TEAD4: variants seen among roughly 807,000 people sequenced by gnomAD.
The protein encoded by TEAD4 is TEA domain transcription factor 4, also known as transcriptional enhancer factor TEF-3.
Under a neutral mutation model 52.4 loss-of-function variants are expected in TEAD4, and 36 were observed. The observed-to-expected ratio is 0.69, with a 90% CI of 0.53 to 0.91. TEAD4 has a LOEUF of 0.91. TEAD4 is among the 40% of genes least tolerant of loss of function. TEAD4 has a pLI of 0.00. For missense variants in TEAD4, 508 were observed against 583.9 expected (o/e 0.87, Z 1.34); for synonymous variants, 220 against 231.0 (o/e 0.95, Z 0.43).
At chr12:3,007,119 G>C (rs2098256591) in intron 3 of TEAD4, among the ~76,000 whole-genome samples, 1 of 152,230 alleles carries the variant, frequency 6.6e-6, no homozygotes, top group Non-Finnish European at 1.5e-5. Context: ...CGGGGGCTGA[G>C]ACGGCCTTTC....
intron 10 of TEAD4, among the ~76,000 whole-genome samples, chr12:3,028,944 T>G (rs1392451065): frequency 1.3e-5 from 2 of 152,170 alleles, no homozygotes; most frequent in African/African-American, 4.8e-5. Flanking sequence ...TTGCCCATTT[T>G]TATAATAAAT....
chr12:3,015,117 G>A (rs1287037629), intron 5 of TEAD4, among the ~76,000 whole-genome samples: 1 of 152,168 alleles, frequency 6.6e-6, no homozygotes, highest in Non-Finnish European at 1.5e-5. Flanking sequence ...AGTGGGGAGG[G>A]GGCCAAGGGG....
intron 2 of TEAD4, among the ~76,000 whole-genome samples, chr12:2,993,908 C>A (rs2098245125): frequency 6.6e-6 from 1 of 152,212 alleles, no homozygotes; most frequent in Non-Finnish European, 1.5e-5. Context: ...GGTTGCCTTC[C>A]TTTTTAAAGC....
chr12:2,979,799 A>T (rs1425202614), intron 2 of TEAD4, among the ~76,000 whole-genome samples: 1 of 152,066 alleles, frequency 6.6e-6, no homozygotes, highest in African/African-American at 2.4e-5. Context: ...TGTGTTGGGG[A>T]TTAAGTTTTT....
At chr12:2,992,485 G>T (rs929397540) in intron 2 of TEAD4, among the ~76,000 whole-genome samples, 1 of 152,138 alleles carries the variant, frequency 6.6e-6, no homozygotes, top group Admixed American at 6.5e-5. Context: ...TCTCTGTGAA[G>T]GAAATTGTCC....
chr12:2,966,702 T>C (rs980821933), intron 2 of TEAD4, among the ~76,000 whole-genome samples: 6 of 151,832 alleles, frequency 4.0e-5, no homozygotes, highest in Non-Finnish European at 7.4e-5. Flanking sequence ...TGAGCCACCA[T>C]GCCCGGCGTA....
intron 11 of TEAD4, among the ~76,000 whole-genome samples, chr12:3,039,537 C>T (rs1043479939): frequency 1.3e-5 from 2 of 152,144 alleles, no homozygotes; most frequent in Non-Finnish European, 2.9e-5. Flanking sequence ...CCTGTGTGCC[C>T]CTCATGGTGT....
At chr12:3,007,109 C>T (rs578172921) in intron 3 of TEAD4, among the ~76,000 whole-genome samples, 1 of 152,218 alleles carries the variant, frequency 6.6e-6, no homozygotes, top group Non-Finnish European at 1.5e-5. Flanking sequence ...AGCCTCTCGC[C>T]GGGGGCTGAG....
At chr12:2,966,285 G>A (rs1259287700) in intron 2 of TEAD4, among the ~76,000 whole-genome samples, 1 of 152,112 alleles carries the variant, frequency 6.6e-6, no homozygotes, top group Non-Finnish European at 1.5e-5. Flanking sequence ...CTGAGCTTGT[G>A]TTACTGTGAA....
At chr12:3,019,250 C>T (rs67719910) in intron 8 of TEAD4, 80 bp downstream of exon 8, 185,332 of 1,516,280 alleles carry the variant, frequency 0.12, 12,769 homozygotes, top group African/African-American at 0.29. Flanking sequence ...GGCAGCCGAA[C>T]GCCTGCGTGT....
In TEAD4 at chr12:3,017,260, C is replaced by T. The variant is rs115781283; in HGVS notation, c.355-138C>T. The T allele has an allele frequency of 8.1e-4, 916 of 1,133,396 alleles. 5 individuals are homozygous for T. The African/African-American group carries it at 9.9e-3, about 12-fold the overall frequency. The allele number at this position is 1,133,396 out of a possible 1,614,324, so 70.2% of individuals were successfully genotyped here. ...TCAGTTGCAAAACAAGTTAATAGCA[C>T]GGCACAGACTTAACGCCTGGTCCCC... is the stretch of plus-strand genomic sequence containing the variant. On this transcript the variant is annotated intron_variant, in intron 5 of 12. Transcript: ENST00000359864.
intron 2 of TEAD4, among the ~76,000 whole-genome samples, chr12:2,970,689 A>G (rs542599007): frequency 1.3e-5 from 2 of 152,326 alleles, no homozygotes; most frequent in African/African-American, 4.8e-5. Flanking sequence ...CTTTGCTGTG[A>G]AGAGCACCTG....
intron 2 of TEAD4, among the ~76,000 whole-genome samples, chr12:2,986,180 C>A (rs1470977887): frequency 6.6e-6 from 1 of 152,210 alleles, no homozygotes; most frequent in Non-Finnish European, 1.5e-5. Context: ...CACTGTCTTC[C>A]ACCTGCATGT....
chr12:3,026,355 G>A (rs1426862867), intron 10 of TEAD4, among the ~76,000 whole-genome samples: 1 of 152,216 alleles, frequency 6.6e-6, no homozygotes, highest in Non-Finnish European at 1.5e-5. Flanking sequence ...CAAAGAAACA[G>A]TGGCATAAAT....
intron 3 of TEAD4, among the ~76,000 whole-genome samples, chr12:2,998,862 G>C (rs1322486651): frequency 6.6e-6 from 1 of 152,152 alleles, no homozygotes; most frequent in African/African-American, 2.4e-5. Flanking sequence ...GTCAGGCCCT[G>C]GGCAGGGCCC....
chr12:3,025,395 A>G lies in TEAD4; in HGVS notation c.897+3378A>G, dbSNP rs918495293. On this transcript the variant is annotated intron_variant, in intron 10 of 12. Coordinates refer to ENST00000359864, the MANE Select transcript of TEAD4 (RefSeq NM_003213.4). Reference sequence around the variant, plus strand: ...TCTAGTACCTTCTAAGAAAAGATGCATGGTACATAAATGACCTTGCTTCTT... The same window carrying G: ...TCTAGTACCTTCTAAGAAAAGATGCGTGGTACATAAATGACCTTGCTTCTT... Among the ~76,000 whole-genome samples the G allele has an allele frequency of 3.9e-5, 6 of 152,330 alleles. No homozygotes were observed. In the East Asian group the frequency reaches 5.8e-4, roughly 15 times the overall value.
chr12:3,038,257 C>T (rs542617821), intron 11 of TEAD4, 149 bp downstream of exon 11: 31 of 1,037,310 alleles, frequency 3.0e-5, no homozygotes, highest in Non-Finnish European at 3.7e-5. Flanking sequence ...GTGCTGTGTG[C>T]CTCCCACACT....
chr12:2,961,407 G>C (rs2098215186), intron 2 of TEAD4, among the ~76,000 whole-genome samples: 1 of 152,052 alleles, frequency 6.6e-6, no homozygotes, highest in South Asian at 2.1e-4. Flanking sequence ...CTGTCTCGGG[G>C]GTTGGGGGTT....
rs2098281825 is a variant in TEAD4 at position 3,040,157 on chromosome 12, G to A, written c.1089G>A (p.Arg363=). 6.2e-7 allele frequency: 1 copy of A among 1,614,038 alleles called. No individual in the cohort carries two copies. Among genetic ancestry groups the A allele is most frequent in the Non-Finnish European group, 8.5e-7 (1 of 1,180,048 alleles). Reference sequence around the variant, plus strand: ...GACACTACTCTTACCGCATCCACCGGTCCCCGCTCTGTGAGTACATGATCA... The same window carrying A: ...GACACTACTCTTACCGCATCCACCGATCCCCGCTCTGTGAGTACATGATCA... Residue 363 remains arginine, a synonymous_variant, in exon 12 of 13, where the codon CGG becomes CGA. Transcript: ENST00000359864.
Sources: gnomAD v4.1 joint callset for allele counts (sites outside exome capture counted in the v4.1 genomes callset) on GRCh38, gnomAD v4.1.1 for gene constraint, MANE v1.5 for transcripts, NCBI Gene and HGNC (gene_info 2026-07-23, HGNC 2026-07-21) for gene names.